Variants in SH3PXD2A observed in about 807,000 individuals in gnomAD.
SH3PXD2A encodes the protein SH3 and PX domains 2A.
Under a neutral mutation model 115.2 loss-of-function variants are expected in SH3PXD2A, and 32 were observed. The ratio of observed to expected loss-of-function variants is 0.28; its 90% confidence interval spans 0.21 to 0.37. The LOEUF (loss-of-function observed/expected upper bound fraction) is 0.37, where lower values mean the gene tolerates loss of function less well. Among genes scored for constraint, SH3PXD2A ranks in the 10% least tolerant of loss-of-function variants. The pLI is 1.00. For synonymous variants in SH3PXD2A, 610 were observed against 629.1 expected (o/e 0.97, Z 0.45); for missense variants, 1,328 against 1,498.7 (o/e 0.89, Z 1.88).
At chr10:103,826,082 C>T (rs1210629847) in intron 1 of SH3PXD2A, among the ~76,000 whole-genome samples, 1 of 152,070 alleles carries the variant, frequency 6.6e-6, no homozygotes, top group East Asian at 1.9e-4. Context: ...ATTTTTCAAA[C>T]CTAAGAGGAG....
intron 1 of SH3PXD2A, among the ~76,000 whole-genome samples, chr10:103,839,503 A>G (rs950871595): frequency 1.3e-5 from 2 of 152,082 alleles, no homozygotes; most frequent in Non-Finnish European, 2.9e-5. Flanking sequence ...CCAGCCTGAG[A>G]GATGCTTTTA....
At chr10:103,667,585 G>A (rs2134074988) in intron 7 of SH3PXD2A, among the ~76,000 whole-genome samples, 1 of 152,266 alleles carries the variant, frequency 6.6e-6, no homozygotes, top group Non-Finnish European at 1.5e-5. Context: ...CTTCTCCTCT[G>A]GACTCCTCCC....
At chr10:103,825,792 C>G (rs1050342142) in intron 1 of SH3PXD2A, among the ~76,000 whole-genome samples, 17 of 135,952 alleles carry the variant, frequency 1.3e-4, no homozygotes, top group African/African-American at 4.5e-4. Flanking sequence ...GAGACGGAGT[C>G]TCGCTCTGTC....
chr10:103,828,833 G>A (rs931018147), intron 1 of SH3PXD2A, among the ~76,000 whole-genome samples: 3 of 152,218 alleles, frequency 2.0e-5, no homozygotes, highest in Non-Finnish European at 4.4e-5. Flanking sequence ...CCTAGTCACA[G>A]TTGGACGATT....
chr10:103,735,694 T>TA, intron 4 of SH3PXD2A, 38 bp downstream of exon 4: 1 of 1,340,896 alleles, frequency 7.5e-7, no homozygotes, highest in Non-Finnish European at 1.1e-6. Context: ...CCTGAAGCCC[T>TA]CCCCGAGCCC....
At chr10:103,735,247 G>GC (rs1344152273) in intron 4 of SH3PXD2A, among the ~76,000 whole-genome samples, 2 of 152,226 alleles carry the variant, frequency 1.3e-5, no homozygotes, top group African/African-American at 4.8e-5. Flanking sequence ...GTGAACACCT[G>GC]CATCTGTAAA....
intron 2 of SH3PXD2A, 95 bp from the exon 3 acceptor site, chr10:103,767,264 T>C (rs1203779711): frequency 2.7e-5 from 24 of 886,430 alleles, no homozygotes; most frequent in Non-Finnish European, 4.3e-5. Flanking sequence ...AGGGCCCCAG[T>C]GTCCTCACAC....
intron 8 of SH3PXD2A, among the ~76,000 whole-genome samples, chr10:103,629,841 C>G (rs1332944793): frequency 6.6e-6 from 1 of 152,184 alleles, no homozygotes; most frequent in Non-Finnish European, 1.5e-5. Flanking sequence ...ACAGAGACAT[C>G]CAGCAGAGGC....
chr10:103,842,746 G>A (rs1420138045), intron 1 of SH3PXD2A, among the ~76,000 whole-genome samples: 1 of 152,082 alleles, frequency 6.6e-6, no homozygotes, highest in Non-Finnish European at 1.5e-5. Flanking sequence ...TTTGTTTATT[G>A]TTTCCTTTCC....
At chr10:103,788,555 C>T in intron 2 of SH3PXD2A, among the ~76,000 whole-genome samples, 1 of 152,198 alleles carries the variant, frequency 6.6e-6, no homozygotes. Context: ...ACTACTCCCA[C>T]AGTGTTCCAA....
chr10:103,743,254 C>T (rs2038463479), intron 3 of SH3PXD2A, among the ~76,000 whole-genome samples: 1 of 149,126 alleles, frequency 6.7e-6, no homozygotes, highest in South Asian at 2.4e-4. Context: ...CTTTCTTCAC[C>T]ATTAAAAACA....
intron 1 of SH3PXD2A, among the ~76,000 whole-genome samples, chr10:103,839,889 C>T (rs2039580749): frequency 6.6e-6 from 1 of 152,266 alleles, no homozygotes; most frequent in Non-Finnish European, 1.5e-5. Flanking sequence ...TGCCTCACTA[C>T]AGGGCCGGAG....
At chr10:103,614,866 G>A (rs557745300) in intron 11 of SH3PXD2A, among the ~76,000 whole-genome samples, 55 of 150,740 alleles carry the variant, frequency 3.6e-4, no homozygotes, top group African/African-American at 1.3e-3. Context: ...TCTGAGCTTT[G>A]CGAGAAAGCT....
chr10:103,820,648 C>T (rs141173627), intron 1 of SH3PXD2A, among the ~76,000 whole-genome samples: 1 of 152,238 alleles, frequency 6.6e-6, no homozygotes, highest in Non-Finnish European at 1.5e-5. Flanking sequence ...CACACCCTTG[C>T]TCACACCCAG....
chr10:103,785,337 T>TGAGACCCGGG (rs894268269), intron 2 of SH3PXD2A, among the ~76,000 whole-genome samples: 2 of 152,140 alleles, frequency 1.3e-5, no homozygotes, highest in Non-Finnish European at 2.9e-5. Flanking sequence ...AACAGACAGA[T>TGAGACCCGGG]GAGACCCGGG....
At chr10:103,750,443 G>A (rs1589440446) in intron 3 of SH3PXD2A, among the ~76,000 whole-genome samples, 1 of 152,280 alleles carries the variant, frequency 6.6e-6, no homozygotes, top group East Asian at 1.9e-4. Flanking sequence ...GGAAGGACAG[G>A]GTCCCTGTGT....
chr10:103,745,086 C>T (rs530397421), intron 3 of SH3PXD2A, among the ~76,000 whole-genome samples: 115 of 152,308 alleles, frequency 7.6e-4, no homozygotes, highest in Admixed American at 1.6e-3. Context: ...GCTGGAACTA[C>T]CAGGAAGAGA....
intron 14 of SH3PXD2A, among the ~76,000 whole-genome samples, chr10:103,604,455 C>T (rs991648931): frequency 6.6e-6 from 1 of 152,226 alleles, no homozygotes; most frequent in Admixed American, 6.5e-5. Flanking sequence ...GTTTAAGGAG[C>T]TTCTTCCTTA....
chr10:103,699,998 G>A (rs1018984323), intron 5 of SH3PXD2A, among the ~76,000 whole-genome samples: 75 of 152,274 alleles, frequency 4.9e-4, no homozygotes, highest in Admixed American at 2.9e-3. Context: ...CCAGAACCCC[G>A]CCCCCCAGGC....
Sources: gnomAD v4.1 joint callset for allele counts (sites outside exome capture counted in the v4.1 genomes callset) on GRCh38, gnomAD v4.1.1 for gene constraint, MANE v1.5 for transcripts, NCBI Gene and HGNC (gene_info 2026-07-23, HGNC 2026-07-21) for gene names.